EIF4H: variants seen among roughly 807,000 people sequenced by gnomAD.
The protein encoded by EIF4H is Williams-Beuren syndrome chromosome region 1.
A neutral mutation model predicts 30.6 loss-of-function variants in EIF4H; 8 were observed. That is an observed-to-expected ratio of 0.26 (90% CI 0.15 to 0.47). EIF4H has a LOEUF of 0.47. EIF4H is among the 20% of genes least tolerant of loss of function. The pLI, the probability that EIF4H is intolerant of heterozygous loss-of-function variation, is 0.99. For synonymous variants in EIF4H, 106 were observed against 122.7 expected, an observed-to-expected ratio of 0.86 and a Z score of 0.90; for missense variants, 188 against 339.5, an observed-to-expected ratio of 0.55 and a Z score of 3.51.
At chr7:74,194,576 T>C (rs1348022091) in intron 5 of EIF4H, among the ~76,000 whole-genome samples, 165 bp from the exon 6 acceptor site, 3 of 152,234 alleles carry the variant, frequency 2.0e-5, no homozygotes, top group Admixed American at 6.5e-5. Context: ...CTCCACACAT[T>C]GGCATTTGGA....
intron 1 of EIF4H, among the ~76,000 whole-genome samples, 153 bp downstream of exon 1, chr7:74,174,595 A>G (rs1308775763): frequency 2.6e-5 from 4 of 151,664 alleles, no homozygotes; most frequent in African/African-American, 9.7e-5. Context: ...GGGCCTGGAA[A>G]TGGCGCGCTC....
chr7:74,187,861 C>A, intron 2 of EIF4H, 63 bp downstream of exon 2: 2 of 1,422,296 alleles, frequency 1.4e-6, no homozygotes, highest in Non-Finnish European at 1.9e-6. Context: ...GGAAGGGGTT[C>A]TAAATAAAAA....
At chr7:74,191,672 C>T (rs1050103062) in intron 5 of EIF4H, among the ~76,000 whole-genome samples, 1 of 152,084 alleles carries the variant, frequency 6.6e-6, no homozygotes, top group African/African-American at 2.4e-5. Flanking sequence ...ACCAAGAAAG[C>T]AAAAACATTT....
At chr7:74,182,796 C>A (rs1800991964) in intron 1 of EIF4H, among the ~76,000 whole-genome samples, 1 of 152,108 alleles carries the variant, frequency 6.6e-6, no homozygotes, top group African/African-American at 2.4e-5. Flanking sequence ...TTATAGTTAC[C>A]CTCTCTCAGT....
intron 6 of EIF4H, 111 bp downstream of exon 6, chr7:74,194,989 A>T (rs1417394599): frequency 6.6e-7 from 1 of 1,505,242 alleles, no homozygotes; most frequent in East Asian, 2.3e-5. Context: ...GTCGGCATAG[A>T]TCCCCACGTT....
chr7:74,189,525 G>A (rs1801157832), intron 2 of EIF4H, 148 bp from the exon 3 acceptor site: 1 of 786,238 alleles, frequency 1.3e-6, no homozygotes, highest in South Asian at 2.0e-5. Context: ...GCCAGTCAGG[G>A]TTCTATCTAT....
At chr7:74,175,824 C>T (rs1429146443) in intron 1 of EIF4H, among the ~76,000 whole-genome samples, 1 of 151,518 alleles carries the variant, frequency 6.6e-6, no homozygotes, top group East Asian at 1.9e-4. Flanking sequence ...TGCATTGGGA[C>T]TACAATAAGG....
At chr7:74,185,968 T>C (rs1188769596) in intron 1 of EIF4H, among the ~76,000 whole-genome samples, 2 of 152,170 alleles carry the variant, frequency 1.3e-5, no homozygotes, top group African/African-American at 2.4e-5. Context: ...AAACGTTTTA[T>C]TTTGGAAATT....
intron 5 of EIF4H, chr7:74,191,270 T>C: frequency 1.9e-6 from 1 of 533,662 alleles, no homozygotes; most frequent in Non-Finnish European, 3.8e-6. Context: ...ATGTATAAGC[T>C]AGTCTCTGAT....
chr7:74,180,575 A>G (rs1168543449), intron 1 of EIF4H, among the ~76,000 whole-genome samples: 1 of 152,204 alleles, frequency 6.6e-6, no homozygotes. Context: ...CTGTTGTGAG[A>G]TCAGTATAGG....
chr7:74,181,157 A>C (rs913815769), intron 1 of EIF4H, among the ~76,000 whole-genome samples: 3 of 152,198 alleles, frequency 2.0e-5, no homozygotes, highest in African/African-American at 2.4e-5. Flanking sequence ...TACCCACTAA[A>C]CAACTCCATT....
chr7:74,183,501 T>C lies in EIF4H; in HGVS notation c.60-4110T>C, dbSNP rs79555538. On this transcript the variant is annotated intron_variant, in intron 1 of 6. Transcript: ENST00000265753. ...AATATAACAGACAAGAAAACATAGG[T>C]ACAGAGGTAATTTGGCAGAGGTCCT... Among the ~76,000 whole-genome samples the C allele has an allele frequency of 1.4e-4, 21 of 152,352 alleles. No individual in the cohort carries two copies. The East Asian group carries it at 4.0e-3, about 29-fold the overall frequency.
At chr7:74,192,672 TTTTTTTTTC>T (rs1801248634) in intron 5 of EIF4H, among the ~76,000 whole-genome samples, 1 of 63,156 alleles carries the variant, frequency 1.6e-5, no homozygotes, top group African/African-American at 5.1e-5. Context: ...ATGTGACTTT[TTTTTTTTTC>T]TTTTTTTTTT....
intron 5 of EIF4H, among the ~76,000 whole-genome samples, chr7:74,193,507 G>A (rs1392503762): frequency 1.3e-5 from 2 of 152,134 alleles, no homozygotes; most frequent in African/African-American, 4.8e-5. Context: ...TGAAAGCTTG[G>A]AGCCTTGGCA....
chr7:74,196,656 A>T lies in EIF4H; in HGVS notation c.*1348A>T, dbSNP rs1445437011. ...CTGGGAAAGAGGCCCTCGCCAGGTG[A>T]TGGCAGGGCCAGGGTGGCCTGGGGC... On this transcript the variant is annotated 3_prime_UTR_variant, in exon 7 of 7. Coordinates refer to ENST00000265753, the MANE Select transcript of EIF4H (RefSeq NM_022170.2). The T allele has an allele frequency of 7.9e-5, 12 of 151,446 alleles. No individual in the cohort carries two copies. Among genetic ancestry groups the T allele is most frequent in the African/African-American group, 2.7e-4 (11 of 41,146 alleles). The allele number at this position is 151,446 out of a possible 1,614,324, so 9.4% of individuals were successfully genotyped here.
Position 74,174,367 on chromosome 7 carries a change from C to T in EIF4H, c.-17C>T. ...CTTCCTCGCTCACCCTGGTTCCTCT[C>T]GGAGCGGAGACGGCAAATGGCGGAC... On this transcript the variant is annotated 5_prime_UTR_variant, in exon 1 of 7. Transcript: ENST00000265753. The T allele has an allele frequency of 2.8e-6, 4 of 1,445,198 alleles. No homozygotes were observed. The highest frequency in any genetic ancestry group is 1.4e-5 in the South Asian group (1 of 70,340). The allele number at this position is 1,445,198 out of a possible 1,614,324, so 89.5% of individuals were successfully genotyped here.
At position 74,175,568 on chromosome 7, in the gene EIF4H, G is replaced by C. The variant is rs1450090440; in HGVS notation, c.59+1126G>C. ...ATGTTCATGATACTGTAACGTGGAA[G>C]TGTGCCGGTGTAGGTGGAGCTATTG... is the stretch of plus-strand genomic sequence containing the variant. On this transcript the variant is annotated intron_variant, in intron 1 of 6. Transcript: ENST00000265753. 2.0e-5 allele frequency among the ~76,000 whole-genome samples: 3 copies of C among 152,174 alleles called. No homozygotes were observed. The East Asian group carries it at 5.8e-4, about 29-fold the overall frequency.
chr7:74,180,202 A>G (rs929773213), intron 1 of EIF4H, among the ~76,000 whole-genome samples: 1 of 152,200 alleles, frequency 6.6e-6, no homozygotes, highest in Non-Finnish European at 1.5e-5. Flanking sequence ...GTCTCAAAAC[A>G]AAAAACCCAA....
chr7:74,189,145 AG>A (rs1324899389), intron 2 of EIF4H, among the ~76,000 whole-genome samples: 1 of 152,210 alleles, frequency 6.6e-6, no homozygotes, highest in Non-Finnish European at 1.5e-5. Flanking sequence ...TGTCAGTAAC[AG>A]GTACTTGGAC....
Sources: gnomAD v4.1 joint callset for allele counts (sites outside exome capture counted in the v4.1 genomes callset) on GRCh38, gnomAD v4.1.1 for gene constraint, MANE v1.5 for transcripts, NCBI Gene and HGNC (gene_info 2026-07-23, HGNC 2026-07-21) for gene names.